The following NCOA1 variants were observed in gnomAD, a reference collection of about 807,000 sequenced individuals.
The protein encoded by NCOA1 is Hin-2 protein.
NCOA1 carries 35 observed loss-of-function variants against 150.9 expected under a neutral mutation model. The observed-to-expected ratio is 0.23, with a 90% CI of 0.18 to 0.31. The LOEUF is 0.31. Ranked by LOEUF, NCOA1 falls within the 10% of genes least tolerant of loss-of-function variation. NCOA1 has a pLI of 1.00. For synonymous variants in NCOA1, 590 were observed against 630.0 expected, an observed-to-expected ratio of 0.94 and a Z score of 0.95; for missense variants, 1,491 against 1,749.3, an observed-to-expected ratio of 0.85 and a Z score of 2.63.
intron 1 of NCOA1, among the ~76,000 whole-genome samples, chr2:24,506,040 A>G (rs1361385687): frequency 6.6e-6 from 1 of 151,910 alleles, no homozygotes; most frequent in South Asian, 2.1e-4. Context: ...CTTTGGATCT[A>G]GTTGCACTCT....
At chr2:24,759,368 G>A (rs1006606201) in intron 21 of NCOA1, among the ~76,000 whole-genome samples, 6 of 152,232 alleles carry the variant, frequency 3.9e-5, no homozygotes, top group Non-Finnish European at 7.3e-5. Context: ...ATCACAGCAT[G>A]ACCTAGGCAG....
chr2:24,551,704 G>A (rs1665838728), intron 1 of NCOA1, among the ~76,000 whole-genome samples: 1 of 152,158 alleles, frequency 6.6e-6, no homozygotes, highest in African/African-American at 2.4e-5. Flanking sequence ...TGCAGGATAA[G>A]TTTACCAACC....
intron 1 of NCOA1, among the ~76,000 whole-genome samples, chr2:24,501,588 C>G (rs1205411480): frequency 6.6e-6 from 1 of 151,972 alleles, no homozygotes; most frequent in Non-Finnish European, 1.5e-5. Flanking sequence ...GCAATATATA[C>G]AAATTATAAA....
chr2:24,756,695 T>A (rs1664517354), intron 20 of NCOA1, among the ~76,000 whole-genome samples: 1 of 152,226 alleles, frequency 6.6e-6, no homozygotes, highest in Non-Finnish European at 1.5e-5. Flanking sequence ...TTGATGTTTA[T>A]AGAACTTAGG....
intron 14 of NCOA1, among the ~76,000 whole-genome samples, chr2:24,712,180 G>T (rs768088406): frequency 2.0e-5 from 3 of 152,098 alleles, no homozygotes; most frequent in Non-Finnish European, 4.4e-5. Flanking sequence ...TACATTTTTT[G>T]AACCTTATTC....
chr2:24,627,829 A>G (rs968995066), intron 3 of NCOA1, among the ~76,000 whole-genome samples: 7 of 152,182 alleles, frequency 4.6e-5, no homozygotes, highest in Non-Finnish European at 8.8e-5. Context: ...TTTCTCTGAC[A>G]TCTTGTTTTC....
chr2:24,590,483 A>G (rs746277668), intron 3 of NCOA1, among the ~76,000 whole-genome samples: 2 of 152,094 alleles, frequency 1.3e-5, no homozygotes, highest in Admixed American at 6.5e-5. Flanking sequence ...GTGTGTCTCT[A>G]TTTTTTCAAA....
At chr2:24,682,546 G>A (rs188392391) in intron 7 of NCOA1, among the ~76,000 whole-genome samples, 2 of 152,074 alleles carry the variant, frequency 1.3e-5, no homozygotes, top group African/African-American at 2.4e-5. Context: ...CTGCTGACTC[G>A]CCTTGTACCA....
chr2:24,677,356 A>G (rs1418091243), intron 7 of NCOA1, among the ~76,000 whole-genome samples: 2 of 151,952 alleles, frequency 1.3e-5, no homozygotes, highest in African/African-American at 2.4e-5. Context: ...AAACAAAAAA[A>G]CAAACAAACA....
chr2:24,674,526 T>C (rs1160081052), intron 7 of NCOA1, among the ~76,000 whole-genome samples: 1 of 152,052 alleles, frequency 6.6e-6, no homozygotes, highest in Non-Finnish European at 1.5e-5. Context: ...TTTAAAAATA[T>C]AAAATAAAGG....
intron 3 of NCOA1, among the ~76,000 whole-genome samples, chr2:24,610,124 C>CTTTTTTTTTTTT (rs775178797): frequency 1.2e-4 from 11 of 90,210 alleles, no homozygotes; most frequent in African/African-American, 2.1e-4. Context: ...AGGCTGCATT[C>CTTTTTTTTTTTT]TTTTTTTTTT....
chr2:24,682,493 C>T (rs2053372), intron 7 of NCOA1, among the ~76,000 whole-genome samples: 66,144 of 152,002 alleles, frequency 0.44, 15,968 homozygotes, highest in Admixed American at 0.6. Context: ...CTGGCTCCAT[C>T]TCAGTGCATA....
intron 8 of NCOA1, among the ~76,000 whole-genome samples, chr2:24,690,395 C>G (rs1157323666): frequency 6.6e-6 from 1 of 151,894 alleles, no homozygotes; most frequent in Admixed American, 6.6e-5. Context: ...TGGCTCACAC[C>G]TGTAATCTCA....
chr2:24,613,444 G>A (rs1203522604), intron 3 of NCOA1, among the ~76,000 whole-genome samples: 1 of 152,196 alleles, frequency 6.6e-6, no homozygotes, highest in Non-Finnish European at 1.5e-5. Context: ...CCTGATGGCA[G>A]GCACAATCAC....
At chr2:24,698,672 A>C (rs1269998709) in intron 11 of NCOA1, among the ~76,000 whole-genome samples, 2 of 152,166 alleles carry the variant, frequency 1.3e-5, no homozygotes, top group Non-Finnish European at 2.9e-5. Context: ...TTATTCTCTA[A>C]TCTCTAGATA....
At chr2:24,509,391 C>T (rs1188806298) in intron 1 of NCOA1, among the ~76,000 whole-genome samples, 1 of 152,162 alleles carries the variant, frequency 6.6e-6, no homozygotes, top group African/African-American at 2.4e-5. Context: ...GCCTTATCTA[C>T]TTTGGGGGTC....
chr2:24,706,595 T>A lies in NCOA1; in HGVS notation c.1125T>A (p.Asp375Glu). 6.2e-7 allele frequency: 1 copy of A among 1,613,196 alleles called. No individual in the cohort carries two copies. The highest frequency in any genetic ancestry group is 1.1e-5 in the South Asian group (1 of 91,028). Residue 375 changes from aspartate (D) to glutamate (E), a missense_variant, in exon 13 of 23, where the codon GAT becomes GAA. Asp to Glu is a conservative substitution (Grantham distance 45, BLOSUM62 2). This residue lies in a region of NCOA1 where 703 missense variants were observed against 717.7 expected (regional missense o/e 0.98). Transcript: ENST00000348332. ...DREHSGLSPQ[D>E]DTNSGMSIPR... is the part of the protein sequence containing the mutation. ...AGCACAGTGGGCTTTCTCCTCAAGA[T>A]GACACTAATTCTGGAATGTCAATTC...
chr2:24,616,815 G>T (rs1029625778), intron 3 of NCOA1, among the ~76,000 whole-genome samples: 1 of 152,164 alleles, frequency 6.6e-6, no homozygotes, highest in Non-Finnish European at 1.5e-5. Flanking sequence ...GAAAACAGTT[G>T]TTAGGGGACT....
chr2:24,512,724 G>A (rs1052533630), intron 1 of NCOA1, among the ~76,000 whole-genome samples: 3 of 152,114 alleles, frequency 2.0e-5, no homozygotes, highest in Admixed American at 6.5e-5. Context: ...CTCATCTTGA[G>A]TTTGTTATCA....
Sources: gnomAD v4.1 joint callset for allele counts (sites outside exome capture counted in the v4.1 genomes callset) on GRCh38, gnomAD v4.1.1 for gene constraint, gnomAD v4.1.1 regional missense constraint, MANE v1.5 for transcripts, NCBI Gene and HGNC (gene_info 2026-07-23, HGNC 2026-07-21) for gene names.